Variants in OPCML observed in about 807,000 individuals in gnomAD.
OPCML encodes the protein opioid binding protein/cell adhesion molecule like.
Under a neutral mutation model 37.8 loss-of-function variants are expected in OPCML, and 13 were observed. The observed-to-expected ratio is 0.34, with a 90% CI of 0.22 to 0.55. The LOEUF is 0.55. Ranked by LOEUF, OPCML falls within the 20% of genes least tolerant of loss-of-function variation. OPCML has a pLI of 0.91. For missense variants in OPCML, 341 were observed against 435.6 expected, an observed-to-expected ratio of 0.78 and a Z score of 1.93; for synonymous variants, 176 against 168.8, an observed-to-expected ratio of 1.04 and a Z score of -0.33.
At chr11:133,181,928 G>A (rs913619738) in intron 1 of OPCML, among the ~76,000 whole-genome samples, 4 of 152,268 alleles carry the variant, frequency 2.6e-5, no homozygotes, top group South Asian at 2.1e-4. Context: ...CTGCCTGCAC[G>A]GTGCAGCTTC....
At chr11:132,584,079 A>C (rs1034012518) in intron 3 of OPCML, among the ~76,000 whole-genome samples, 6 of 152,196 alleles carry the variant, frequency 3.9e-5, no homozygotes, top group Non-Finnish European at 8.8e-5. Context: ...TATAGAAGAC[A>C]AGATTTTAAA....
intron 3 of OPCML, among the ~76,000 whole-genome samples, chr11:132,631,915 G>A (rs1245418207): frequency 6.6e-6 from 1 of 152,106 alleles, no homozygotes; most frequent in Non-Finnish European, 1.5e-5. Flanking sequence ...GTGTGTGAAT[G>A]TGTGTTAACA....
At chr11:133,423,639 TC>T (rs1170418773) in intron 1 of OPCML, among the ~76,000 whole-genome samples, 1 of 152,200 alleles carries the variant, frequency 6.6e-6, no homozygotes, top group African/African-American at 2.4e-5. Context: ...GTTGTGGAAT[TC>T]TCAGTGTTAT....
At chr11:132,986,089 C>T (rs1368707266) in intron 1 of OPCML, among the ~76,000 whole-genome samples, 1 of 152,180 alleles carries the variant, frequency 6.6e-6, no homozygotes, top group African/African-American at 2.4e-5. Context: ...TTAGAACTCA[C>T]ATCAAGCATC....
intron 1 of OPCML, among the ~76,000 whole-genome samples, chr11:133,055,731 A>G (rs1202655495): frequency 1.3e-5 from 2 of 150,734 alleles, no homozygotes; most frequent in South Asian, 2.1e-4. Context: ...CTATCGTACA[A>G]TGCTGCCTCC....
intron 1 of OPCML, among the ~76,000 whole-genome samples, chr11:133,114,408 C>A (rs568301901): frequency 1.3e-5 from 2 of 152,246 alleles, no homozygotes; most frequent in Admixed American, 1.3e-4. Context: ...CCTATCAGCA[C>A]TACCTTCAAG....
intron 1 of OPCML, among the ~76,000 whole-genome samples, chr11:133,057,098 C>A (rs909480704): frequency 2.0e-5 from 3 of 152,200 alleles, no homozygotes; most frequent in African/African-American, 7.2e-5. Flanking sequence ...CCCGCCTTGG[C>A]CTCCAAAGTG....
intron 1 of OPCML, among the ~76,000 whole-genome samples, chr11:133,527,586 C>A (rs1191580904): frequency 6.6e-6 from 1 of 152,194 alleles, no homozygotes; most frequent in Non-Finnish European, 1.5e-5. Flanking sequence ...AATGTCCTCT[C>A]CCCTTCTCCA....
intron 1 of OPCML, among the ~76,000 whole-genome samples, chr11:133,054,807 G>C (rs1192699930): frequency 6.6e-6 from 1 of 152,022 alleles, no homozygotes; most frequent in Non-Finnish European, 1.5e-5. Flanking sequence ...ATACAATGCT[G>C]CCTCCATGAT....
intron 2 of OPCML, among the ~76,000 whole-genome samples, chr11:132,692,392 T>G (rs1221537787): frequency 6.6e-6 from 1 of 152,200 alleles, no homozygotes; most frequent in Non-Finnish European, 1.5e-5. Context: ...AGGCATCTTT[T>G]GGGACTTGGC....
intron 2 of OPCML, among the ~76,000 whole-genome samples, chr11:132,909,622 A>T (rs900102532): frequency 6.6e-6 from 1 of 152,224 alleles, no homozygotes; most frequent in Non-Finnish European, 1.5e-5. Flanking sequence ...GTGACAACAC[A>T]GGAGGAAATG....
chr11:132,908,634 G>A (rs945629700), intron 2 of OPCML, among the ~76,000 whole-genome samples: 3 of 152,084 alleles, frequency 2.0e-5, no homozygotes, highest in African/African-American at 4.8e-5. Flanking sequence ...CACCACCCCC[G>A]GATTGACCAC....
At chr11:133,404,462 T>C (rs1034093528) in intron 1 of OPCML, among the ~76,000 whole-genome samples, 8 of 152,192 alleles carry the variant, frequency 5.3e-5, no homozygotes, top group African/African-American at 1.7e-4. Flanking sequence ...CTCCACCTCA[T>C]GTGTTATCCG....
chr11:133,124,603 A>G (rs1949471223), intron 1 of OPCML, among the ~76,000 whole-genome samples: 1 of 152,112 alleles, frequency 6.6e-6, no homozygotes, highest in Non-Finnish European at 1.5e-5. Context: ...ACAGAGCCCC[A>G]CTGCAGAGCC....
intron 1 of OPCML, among the ~76,000 whole-genome samples, chr11:133,210,878 T>C (rs924670618): frequency 6.6e-6 from 1 of 152,156 alleles, no homozygotes; most frequent in Non-Finnish European, 1.5e-5. Flanking sequence ...TACAGAGGTG[T>C]GTGCGGTTAG....
intron 1 of OPCML, among the ~76,000 whole-genome samples, chr11:132,963,142 A>G (rs571745808): frequency 6.6e-6 from 1 of 152,164 alleles, no homozygotes; most frequent in Admixed American, 6.5e-5. Flanking sequence ...TCACCGTGTC[A>G]TAGACTTTAG....
At chr11:132,736,015 C>A (rs995731451) in intron 2 of OPCML, among the ~76,000 whole-genome samples, 2 of 152,164 alleles carry the variant, frequency 1.3e-5, no homozygotes, top group African/African-American at 4.8e-5. Flanking sequence ...ATAGCCCAGG[C>A]CTTGTGTCTG....
chr11:132,691,142 C>A lies in OPCML; in HGVS notation c.147-33823G>T, dbSNP rs577731521. On this transcript the variant is annotated intron_variant, in intron 2 of 7. Transcript: ENST00000524381. ...CCCACTTAAATATAAGGAAACGGAG[C>A]CACAGATAATTTCTCCTTTGTTCTT... Among the ~76,000 whole-genome samples the A allele has an allele frequency of 9.2e-5, 14 of 152,186 alleles. 1 individual carries two copies. The South Asian group carries it at 2.9e-3, about 32-fold the overall frequency.
chr11:132,943,007 A>G lies in OPCML; in HGVS notation c.65T>C (p.Val22Ala). 1 of 1,613,938 alleles carries G rather than the reference A, an allele frequency of 6.2e-7. No individual in the cohort carries two copies. The highest frequency in any genetic ancestry group is 8.5e-7 in the Non-Finnish European group (1 of 1,179,966). Reference sequence around the variant, plus strand: ...GGTGGCATCTCCGCTGCGCACGGGCACTCCTGTGGGTACAAGGAACAGCAG... The same window carrying G: ...GGTGGCATCTCCGCTGCGCACGGGCGCTCCTGTGGGTACAAGGAACAGCAG... ...ATTALLFIPG[V>A]PVRSGDATFP... is the part of the protein sequence containing the mutation. The change falls in exon 2 of 8, where the codon GTG (valine) becomes GCG (alanine). Residue 22 changes from valine (V) to alanine (A), a missense_variant. Physicochemically the swap from Val to Ala is moderately conservative, Grantham distance 64. Transcript: ENST00000524381. The surrounding 1 kb of genome is among the most constrained non-coding windows in gnomAD (Gnocchi z 4.3).
Sources: allele counts gnomAD v4.1 joint callset (sites outside exome capture counted in the v4.1 genomes callset), GRCh38; gene constraint gnomAD v4.1.1; non-coding constraint Gnocchi (gnomAD v3.1); transcripts MANE v1.5; gene names NCBI Gene and HGNC (gene_info 2026-07-23, HGNC 2026-07-21).